Variants in ANOS1 observed in about 807,000 individuals in gnomAD.
The protein encoded by ANOS1 is anosmin 1.
In ANOS1, 6 loss-of-function variants were observed where a neutral mutation model predicts 59.0. That is an observed-to-expected ratio of 0.10 (90% CI 0.06 to 0.20). The LOEUF (loss-of-function observed/expected upper bound fraction) is 0.20, where lower values mean the gene tolerates loss of function less well. Among genes scored for constraint, ANOS1 ranks in the 10% least tolerant of loss-of-function variants. The pLI is 1.00. For synonymous variants in ANOS1, 217 were observed against 223.4 expected (o/e 0.97, Z 0.25); for missense variants, 433 against 542.3 (o/e 0.80, Z 2.00).
chrX:8,659,229 T>TAA (rs57477012), intron 2 of ANOS1, among the ~76,000 whole-genome samples: 17,714 of 95,317 alleles, frequency 0.19, 1,568 homozygotes, highest in East Asian at 0.4. Flanking sequence ...TCTGTCTCAA[T>TAA]AAAAAAAAAA....
chrX:8,667,580 C>T lies in ANOS1; in HGVS notation c.255+32118G>A, dbSNP rs1398488916. 1.3e-4 allele frequency among the ~76,000 whole-genome samples: 14 copies of T among 111,603 alleles called. No homozygotes were observed. The Admixed American group carries it at 1.3e-3, about 11-fold the overall frequency. The stretch of plus-strand genomic sequence containing the variant: ...TCCAGAGAATGAAAACCACTGTGGG[C>T]CGGGGCTTGCACAGTGGGCAAGAGA... On this transcript the variant is annotated intron_variant, in intron 2 of 13. Coordinates refer to ENST00000262648, the MANE Select transcript of ANOS1 (RefSeq NM_000216.4).
intron 1 of ANOS1, among the ~76,000 whole-genome samples, chrX:8,710,649 G>C (rs1167692902): frequency 8.9e-6 from 1 of 111,803 alleles, no homozygotes; most frequent in Non-Finnish European, 1.9e-5. Flanking sequence ...AAGGAAAAGA[G>C]GTTACAGTGT....
At chrX:8,669,004 G>A (rs777400764) in intron 2 of ANOS1, among the ~76,000 whole-genome samples, 74 of 112,043 alleles carry the variant, frequency 6.6e-4, no homozygotes, top group African/African-American at 2.1e-3. Context: ...GCTCTCTGCC[G>A]CCTGACGGCC....
intron 5 of ANOS1, among the ~76,000 whole-genome samples, 189 bp downstream of exon 5, chrX:8,587,605 C>T (rs933583433): frequency 5.4e-5 from 6 of 111,598 alleles, no homozygotes; most frequent in African/African-American, 9.8e-5. Context: ...GTCGAGTTTC[C>T]GAGCACATTC....
At chrX:8,550,250 T>C (rs1034330188) in intron 9 of ANOS1, among the ~76,000 whole-genome samples, 3 of 111,553 alleles carry the variant, frequency 2.7e-5, no homozygotes, top group Non-Finnish European at 5.7e-5. Flanking sequence ...CCATCTATAA[T>C]AGGATAAAAA....
intron 9 of ANOS1, among the ~76,000 whole-genome samples, chrX:8,545,747 T>C (rs1366373104): frequency 8.9e-6 from 1 of 112,076 alleles, no homozygotes; most frequent in Non-Finnish European, 1.9e-5. Context: ...TTTGGGCTTT[T>C]AGGTCCCTAA....
At chrX:8,723,461 C>A (rs5978263) in intron 1 of ANOS1, among the ~76,000 whole-genome samples, 52,242 of 110,587 alleles carry the variant, frequency 0.47, 9,300 homozygotes, top group African/African-American at 0.63. Flanking sequence ...GTATGAAAAA[C>A]ATGCTCAACA....
At chrX:8,715,522 T>A (rs1392737815) in intron 1 of ANOS1, among the ~76,000 whole-genome samples, 1 of 106,292 alleles carries the variant, frequency 9.4e-6, no homozygotes, top group African/African-American at 3.5e-5. Flanking sequence ...CAAGTGATCC[T>A]CCCATCTCAG....
At chrX:8,595,235 A>G (rs180675640) in intron 4 of ANOS1, among the ~76,000 whole-genome samples, 5 of 111,880 alleles carry the variant, frequency 4.5e-5, no homozygotes, top group Non-Finnish European at 9.4e-5. Context: ...TTAATGACAG[A>G]TAAGATTTCA....
At chrX:8,628,069 A>G (rs1276339567) in intron 2 of ANOS1, among the ~76,000 whole-genome samples, 2 of 111,545 alleles carry the variant, frequency 1.8e-5, no homozygotes, top group Non-Finnish European at 3.8e-5. Context: ...GATGCAGTAA[A>G]GAAGTCAGTC....
intron 1 of ANOS1, among the ~76,000 whole-genome samples, chrX:8,722,574 TACAC>T (rs774803381): frequency 0.011 from 1,097 of 102,059 alleles, 6 homozygotes; most frequent in Non-Finnish European, 0.013. Context: ...ATTATGTGTG[TACAC>T]ACACACACAC....
At chrX:8,610,071 G>A (rs1448182773) in intron 3 of ANOS1, among the ~76,000 whole-genome samples, 1 of 95,025 alleles carries the variant, frequency 1.1e-5, no homozygotes, top group Non-Finnish European at 2.1e-5. Context: ...TTTCTTCAGT[G>A]AATAATATTT....
chrX:8,607,048 C>T (rs4830594), intron 3 of ANOS1, among the ~76,000 whole-genome samples: 42,433 of 110,826 alleles, frequency 0.38, 5,812 homozygotes, highest in South Asian at 0.44. Context: ...AACTAGGAGA[C>T]GGAGGTTGCA....
intron 2 of ANOS1, among the ~76,000 whole-genome samples, chrX:8,688,013 T>C (rs750061624): frequency 3.2e-4 from 36 of 112,376 alleles, no homozygotes; most frequent in South Asian, 1.1e-3. Context: ...GGAACTCCTA[T>C]GTGTGATTCG....
At chrX:8,630,023 G>A (rs758068054) in intron 2 of ANOS1, among the ~76,000 whole-genome samples, 1 of 112,522 alleles carries the variant, frequency 8.9e-6, no homozygotes, top group Admixed American at 9.4e-5. Context: ...CACCAAGACA[G>A]GGGGAAATGT....
intron 11 of ANOS1, among the ~76,000 whole-genome samples, chrX:8,536,459 G>A (rs138536487): frequency 9.0e-6 from 1 of 110,591 alleles, no homozygotes; most frequent in East Asian, 2.9e-4. Context: ...TATAACCCAC[G>A]CAGCAAAGGG....
Position 8,587,785 on chromosome X carries a change from G to A in ANOS1, c.726+9C>T, listed in dbSNP as rs1290427826. ...AGGATGAAAATCAAAGTCTATATGA[G>A]GTTCTTACCTGGGCCACTGTCTGCC... On this transcript the variant is annotated intron_variant, in intron 5 of 13. Coordinates refer to ENST00000262648, the MANE Select transcript of ANOS1 (RefSeq NM_000216.4). 4 of 1,189,364 alleles carry A rather than the reference G, an allele frequency of 3.4e-6. No individual in the cohort carries two copies. Among genetic ancestry groups the A allele is most frequent in the Non-Finnish European group, 4.5e-6 (4 of 879,504 alleles).
intron 1 of ANOS1, among the ~76,000 whole-genome samples, chrX:8,701,298 T>C (rs1014604080): frequency 8.9e-6 from 1 of 111,802 alleles, no homozygotes; most frequent in Non-Finnish European, 1.9e-5. Context: ...ATACCAGTAT[T>C]GACAGAGCAA....
At chrX:8,594,701 C>CATATATATATGT (rs766705328) in intron 4 of ANOS1, among the ~76,000 whole-genome samples, 1 of 46,716 alleles carries the variant, frequency 2.1e-5, no homozygotes, top group Non-Finnish European at 3.7e-5. Context: ...TATATATACA[C>CATATATATATGT]ATATATATAC....
Sources: gnomAD v4.1 joint callset for allele counts (sites outside exome capture counted in the v4.1 genomes callset) on GRCh38, gnomAD v4.1.1 for gene constraint, MANE v1.5 for transcripts, NCBI Gene and HGNC (gene_info 2026-07-23, HGNC 2026-07-21) for gene names.